SHISAL2B: variants seen among roughly 807,000 people sequenced by gnomAD.
The protein encoded by SHISAL2B is protein shisa-like-2B.
Under a neutral mutation model 16.5 loss-of-function variants are expected in SHISAL2B, and 12 were observed. That is an observed-to-expected ratio of 0.73 (90% CI 0.47 to 1.18). SHISAL2B has a LOEUF of 1.18. Ranked by LOEUF, SHISAL2B falls within the 50% of genes most tolerant of loss-of-function variation. The probability of loss-of-function intolerance (pLI) is 0.00; values close to 1 mark genes in which losing one functional copy is unlikely to be tolerated. For missense variants in SHISAL2B, 183 were observed against 193.6 expected (o/e 0.95, Z 0.33); for synonymous variants, 72 against 75.0 (o/e 0.96, Z 0.21).
chr5:64,704,483 A>G (rs1741849656), intron 2 of SHISAL2B, among the ~76,000 whole-genome samples: 1 of 152,274 alleles, frequency 6.6e-6, no homozygotes, highest in Non-Finnish European at 1.5e-5. Context: ...AAATTTACAT[A>G]CAATGACTAG....
intron 2 of SHISAL2B, among the ~76,000 whole-genome samples, chr5:64,703,056 G>A (rs1361832059): frequency 6.6e-6 from 1 of 152,114 alleles, no homozygotes; most frequent in Non-Finnish European, 1.5e-5. Flanking sequence ...TTCTTGGCTA[G>A]TCTAGTAGCA....
chr5:64,693,162 C>T (rs1741678350), intron 1 of SHISAL2B, among the ~76,000 whole-genome samples: 1 of 152,202 alleles, frequency 6.6e-6, no homozygotes, highest in East Asian at 1.9e-4. Context: ...CGCCTGCCAC[C>T]ATGCCTGGCT....
chr5:64,713,646 G>A (rs2112073374), intron 2 of SHISAL2B, among the ~76,000 whole-genome samples: 1 of 119,366 alleles, frequency 8.4e-6, no homozygotes, highest in Non-Finnish European at 1.6e-5. Context: ...TTCCAACTTG[G>A]TTCCATTCTC....
At chr5:64,714,366 A>T (rs1250436565) in intron 2 of SHISAL2B, among the ~76,000 whole-genome samples, 1 of 146,372 alleles carries the variant, frequency 6.8e-6, no homozygotes, top group African/African-American at 2.7e-5. Context: ...GTCAGGGGTC[A>T]GGGACCCACT....
In SHISAL2B at chr5:64,712,862, C is replaced by A. The variant is rs1425870718; in HGVS notation, c.350-5027C>A. ...TTTTATCAGAGACTAGGATTGCAACCCCTGCCTTTTTTTGTTTTCCATTTG... is the reference window on the plus strand; with the variant it reads ...TTTTATCAGAGACTAGGATTGCAACACCTGCCTTTTTTTGTTTTCCATTTG... On this transcript the variant is annotated intron_variant, in intron 2 of 2. Coordinates refer to ENST00000389074, the MANE Select transcript of SHISAL2B (RefSeq NM_001164442.2). Among the ~76,000 whole-genome samples the A allele has an allele frequency of 2.0e-5, 3 of 149,428 alleles. No homozygotes were observed. In the South Asian group the frequency reaches 6.4e-4, roughly 32 times the overall value.
chr5:64,690,573 A>G lies in SHISAL2B; in HGVS notation c.-51A>G, dbSNP rs1741616457. 1.4e-6 allele frequency: 2 copies of G among 1,405,030 alleles called. No homozygotes were observed. The highest frequency in any genetic ancestry group is 9.3e-7 in the Non-Finnish European group (1 of 1,072,068). 87.0% of individuals were successfully genotyped at this position (1,405,030 alleles called of 1,614,324 possible). On this transcript the variant is annotated 5_prime_UTR_variant, in exon 1 of 3. Transcript: ENST00000389074. ...GCTCTGGAGGTGCTGGACGGGTGCG[A>G]TCCGAGAGCAGACCGGGGCCCTCGC...
chr5:64,702,968 G>A (rs554951718), intron 2 of SHISAL2B, among the ~76,000 whole-genome samples: 1 of 152,100 alleles, frequency 6.6e-6, no homozygotes, highest in Non-Finnish European at 1.5e-5. Context: ...AAGAATTACT[G>A]TAGCTATACA....
Position 64,693,275 on chromosome 5 carries a change from A to G in SHISAL2B, c.192-2232A>G, listed in dbSNP as rs553297253. On this transcript the variant is annotated intron_variant, in intron 1 of 2. Coordinates refer to ENST00000389074, the MANE Select transcript of SHISAL2B (RefSeq NM_001164442.2). ...GCCCGCCTCAGCCTCCCAAAGTGCTAGGATTACAGGCGTGAGCCACCGCGC... is the reference window on the plus strand; with the variant it reads ...GCCCGCCTCAGCCTCCCAAAGTGCTGGGATTACAGGCGTGAGCCACCGCGC... Among the ~76,000 whole-genome samples the G allele has an allele frequency of 5.4e-3, 823 of 152,156 alleles. 4 individuals are homozygous for G. The highest frequency in any genetic ancestry group is 0.017 in the African/African-American group (713 of 41,534).
At chr5:64,712,699 C>G (rs1258052345) in intron 2 of SHISAL2B, among the ~76,000 whole-genome samples, 1 of 152,038 alleles carries the variant, frequency 6.6e-6, no homozygotes, top group Non-Finnish European at 1.5e-5. Context: ...TCACTCAGGA[C>G]TTGCTTTATG....
intron 2 of SHISAL2B, among the ~76,000 whole-genome samples, chr5:64,711,309 T>C (rs1439392032): frequency 1.4e-5 from 2 of 148,132 alleles, no homozygotes; most frequent in Non-Finnish European, 2.9e-5. Context: ...GTGGTTTTTG[T>C]CTTTGGTTCT....
chr5:64,696,456 G>A (rs554246687), intron 2 of SHISAL2B, among the ~76,000 whole-genome samples: 61 of 152,300 alleles, frequency 4.0e-4, no homozygotes, highest in African/African-American at 1.4e-3. Flanking sequence ...GGGTTGGGCA[G>A]AATAGAGCCA....
chr5:64,716,700 A>G (rs1279326783), intron 2 of SHISAL2B, among the ~76,000 whole-genome samples: 2 of 152,294 alleles, frequency 1.3e-5, no homozygotes, highest in African/African-American at 2.4e-5. Flanking sequence ...AATCAGTGCA[A>G]AAGTCCTAAG....
At chr5:64,706,885 G>A (rs6891715) in intron 2 of SHISAL2B, among the ~76,000 whole-genome samples, 68,577 of 151,508 alleles carry the variant, frequency 0.45, 19,008 homozygotes, top group African/African-American at 0.78. Flanking sequence ...AAAAATAGGG[G>A]AAAAAAGATA....
At chr5:64,709,985 T>C (rs1178463427) in intron 2 of SHISAL2B, among the ~76,000 whole-genome samples, 1 of 150,560 alleles carries the variant, frequency 6.6e-6, no homozygotes. Flanking sequence ...ATATTGTAGG[T>C]TGCCTGTTCA....
chr5:64,697,553 CTA>C (rs1741756625), intron 2 of SHISAL2B, among the ~76,000 whole-genome samples: 1 of 151,948 alleles, frequency 6.6e-6, no homozygotes, highest in South Asian at 2.1e-4. Context: ...ATATGAATTT[CTA>C]TAGTGTATTA....
intron 2 of SHISAL2B, among the ~76,000 whole-genome samples, chr5:64,698,000 G>C (rs552996000): frequency 1.3e-5 from 2 of 152,310 alleles, no homozygotes; most frequent in Admixed American, 6.5e-5. Context: ...TCTGTTTGGA[G>C]ATTGCATGGC....
rs569920558 is a variant in SHISAL2B at position 64,695,091 on chromosome 5, C to T, written c.192-416C>T. ...ACCATCCTGGGCAACATGGTGAAAC[C>T]CCGTTTCTACTAAAATACAAAAAAT... On this transcript the variant is annotated intron_variant, in intron 1 of 2. Coordinates refer to ENST00000389074, the MANE Select transcript of SHISAL2B (RefSeq NM_001164442.2). Among the ~76,000 whole-genome samples, 168 of 152,052 alleles carry T rather than the reference C, an allele frequency of 1.1e-3. 4 individuals are homozygous for T. The South Asian group carries it at 0.027, about 24-fold the overall frequency.
At chr5:64,702,231 G>A (rs1293324649) in intron 2 of SHISAL2B, among the ~76,000 whole-genome samples, 2 of 150,612 alleles carry the variant, frequency 1.3e-5, no homozygotes, top group Non-Finnish European at 2.9e-5. Context: ...ATGGAGTTTT[G>A]CTCTTGTCGG....
At chr5:64,690,841 G>C (rs990060953) in intron 1 of SHISAL2B, 27 bp downstream of exon 1, 2 of 1,478,992 alleles carry the variant, frequency 1.4e-6, no homozygotes, top group African/African-American at 2.8e-5. Context: ...CGCGTGCGGC[G>C]GCTGGCCGAG....
Sources: gnomAD v4.1 joint callset for allele counts (sites outside exome capture counted in the v4.1 genomes callset) on GRCh38, gnomAD v4.1.1 for gene constraint, MANE v1.5 for transcripts, NCBI Gene and HGNC (gene_info 2026-07-23, HGNC 2026-07-21) for gene names.